SLC14A1: variants seen among roughly 807,000 people sequenced by gnomAD.
The protein encoded by SLC14A1 is urea transporter 1.
In SLC14A1, 36 loss-of-function variants were observed where a neutral mutation model predicts 39.6. The ratio of observed to expected loss-of-function variants is 0.91; its 90% CI spans 0.70 to 1.20. The LOEUF (loss-of-function observed/expected upper bound fraction) is 1.20. Among genes scored for constraint, SLC14A1 ranks in the 50% most tolerant of loss-of-function variants. The pLI, the probability that SLC14A1 is intolerant of heterozygous loss-of-function variation, is 0.00. For synonymous variants in SLC14A1, 164 were observed against 173.6 expected, an observed-to-expected ratio of 0.94 and a Z score of 0.43; for missense variants, 469 against 478.7, an observed-to-expected ratio of 0.98 and a Z score of 0.19.
At chr18:45,733,416 A>C (rs1599266113) in intron 4 of SLC14A1, among the ~76,000 whole-genome samples, 1 of 152,238 alleles carries the variant, frequency 6.6e-6, no homozygotes, top group Admixed American at 6.5e-5. Context: ...TGGAGACAAC[A>C]AAATAGAAGC....
rs1310404866 is a variant in SLC14A1, at chr18:45,750,982, G to T, written c.*1031G>T. ...TTGTTGAATTCCTTAATTTAAAAAA[G>T]CTCATTATTTTTTGCACACTCACAA... On this transcript the variant is annotated 3_prime_UTR_variant, in exon 10 of 10. Coordinates refer to ENST00000321925, the MANE Select transcript of SLC14A1 (RefSeq NM_015865.7). 2 of 984,970 alleles carry T rather than the reference G, an allele frequency of 2.0e-6. No individual in the cohort carries two copies. The highest frequency in any genetic ancestry group is 1.7e-5 in the African/African-American group (1 of 57,204). 61.0% of individuals were successfully genotyped at this position (984,970 alleles called of 1,614,324 possible).
At position 45,731,139 on chromosome 18, in the gene SLC14A1, G is replaced by A. The variant is rs763262711; in HGVS notation, c.276G>A (p.Trp92Ter). The A allele has an allele frequency of 1.2e-6, 2 of 1,613,986 alleles. No homozygotes were observed. The highest frequency in any genetic ancestry group is 2.7e-5 in the African/African-American group (2 of 74,900). ...LVGLLVQNPWWALTGWLGTVV... is the reference protein window; with the variant it reads ...LVGLLVQNPW ...GACTTCTTGTTCAGAACCCCTGGTGGGCTCTCACTGGCTGGCTGGGAACAG... is the reference window on the plus strand; with the variant it reads ...GACTTCTTGTTCAGAACCCCTGGTGAGCTCTCACTGGCTGGCTGGGAACAG... The change falls in exon 4 of 10, where the codon TGG becomes TGA. Residue 92 changes from tryptophan to a stop codon, truncating the protein, a stop_gained. Coordinates refer to ENST00000321925, the MANE Select transcript of SLC14A1 (RefSeq NM_015865.7). LOFTEE classifies it high-confidence loss of function.
intron 2 of SLC14A1, among the ~76,000 whole-genome samples, chr18:45,725,545 A>T (rs1479574716): frequency 6.6e-6 from 1 of 152,232 alleles, no homozygotes; most frequent in African/African-American, 2.4e-5. Flanking sequence ...AGATTAGTTC[A>T]AAGTGACCGT....
intron 4 of SLC14A1, among the ~76,000 whole-genome samples, chr18:45,733,093 A>G (rs994383478): frequency 6.6e-6 from 1 of 152,218 alleles, no homozygotes; most frequent in Non-Finnish European, 1.5e-5. Flanking sequence ...CTGGGACTCC[A>G]AAAGAGGAGA....
At chr18:45,736,277 G>A (rs947654946) in intron 5 of SLC14A1, among the ~76,000 whole-genome samples, 179 bp from the exon 6 acceptor site, 1 of 152,106 alleles carries the variant, frequency 6.6e-6, no homozygotes, top group Non-Finnish European at 1.5e-5. Flanking sequence ...TTTACTTTAT[G>A]TAATATTTAC....
intron 2 of SLC14A1, 175 bp from the exon 3 acceptor site, chr18:45,730,125 T>C: frequency 5.2e-6 from 3 of 577,428 alleles, no homozygotes; most frequent in Non-Finnish European, 8.9e-6. Context: ...GCAAAGGTAC[T>C]GTGGGATTTG....
chr18:45,749,641 G>A (rs780015508), intron 9 of SLC14A1, 137 bp from the exon 10 acceptor site: 7 of 983,028 alleles, frequency 7.1e-6, no homozygotes, highest in African/African-American at 3.2e-5. Context: ...CAGTCTCCAC[G>A]AGCATGCACA....
chr18:45,747,008 A>G (rs2047562851), intron 8 of SLC14A1: 1 of 152,280 alleles, frequency 6.6e-6, no homozygotes, highest in African/African-American at 2.4e-5. Flanking sequence ...AAGAAACACC[A>G]GGATAAAAAG....
rs761479141 is a variant in SLC14A1, at chr18:45,736,591, G to A, written c.606G>A (p.Leu202=). 3.1e-6 allele frequency: 5 copies of A among 1,613,972 alleles called. No homozygotes were observed. Among genetic ancestry groups the A allele is most frequent in the African/African-American group, 1.3e-5 (1 of 74,882 alleles). ...ACAATCCATTCTTTCCAGCCAAACT[G>A]GTCATACCTATAACTACAGCTCCAA... ...GHYNPFFPAK[L]VIPITTAPNI... Residue 202 remains leucine, a synonymous_variant, in exon 6 of 10, where the codon CTG becomes CTA. Transcript: ENST00000321925.
intron 8 of SLC14A1, among the ~76,000 whole-genome samples, chr18:45,746,141 G>T (rs1251172290): frequency 1.3e-5 from 2 of 152,180 alleles, no homozygotes; most frequent in Non-Finnish European, 2.9e-5. Flanking sequence ...AACATATTGT[G>T]TATCTCTTCC....
chr18:45,744,099 A>G (rs6507640), intron 8 of SLC14A1, among the ~76,000 whole-genome samples: 100,029 of 151,446 alleles, frequency 0.66, 34,345 homozygotes, highest in East Asian at 0.93. Context: ...TGCAGCCTCC[A>G]CCTCCTGGGT....
chr18:45,729,365 AATC>A (rs1180479559), intron 2 of SLC14A1: 7 of 152,166 alleles, frequency 4.6e-5, no homozygotes, highest in Non-Finnish European at 1.0e-4. Flanking sequence ...AGCACAATGA[AATC>A]ATCATTTTTG....
Position 45,735,395 on chromosome 18 carries a change from C to T in SLC14A1, c.470+993C>T, listed in dbSNP as rs763987461. Among the ~76,000 whole-genome samples the T allele has an allele frequency of 5.9e-5, 9 of 152,288 alleles. No individual in the cohort carries two copies. The South Asian group carries it at 1.0e-3, about 18-fold the overall frequency. ...GATGCTGGGAGAACCACTGTGCCTA[C>T]GTGAATTCCCCCTTACCCACCTGCC... On this transcript the variant is annotated intron_variant, in intron 5 of 9. Coordinates refer to ENST00000321925, the MANE Select transcript of SLC14A1 (RefSeq NM_015865.7).
At chr18:45,739,091 A>T (rs573438146) in intron 6 of SLC14A1, 72 bp from the exon 7 acceptor site, 88 of 1,464,936 alleles carry the variant, frequency 6.0e-5, no homozygotes, top group Non-Finnish European at 8.0e-5. Flanking sequence ...ACATTGTAGG[A>T]GTTTGTGGGT....
In SLC14A1 at chr18:45,738,009, AGC is replaced by A. The variant is rs1265812049; in HGVS notation, c.664-1153_664-1152del. Among the ~76,000 whole-genome samples, 1,020 of 152,336 alleles carry A rather than the reference AGC, an allele frequency of 6.7e-3. 12 individuals are homozygous for A. The highest frequency in any genetic ancestry group is 0.02 in the Middle Eastern group (6 of 294). ...CAAAAACAAACAAACAAACAAAAAAAGCATATGCCATCTTTGCCAAGTTCCCT... is the reference window on the plus strand; with the variant it reads ...CAAAAACAAACAAACAAACAAAAAAAATATGCCATCTTTGCCAAGTTCCCT... On this transcript the variant is annotated intron_variant, in intron 6 of 9. Coordinates refer to ENST00000321925, the MANE Select transcript of SLC14A1 (RefSeq NM_015865.7).
intron 8 of SLC14A1, among the ~76,000 whole-genome samples, chr18:45,745,847 C>T (rs1229560589): frequency 6.6e-6 from 1 of 152,170 alleles, no homozygotes; most frequent in Admixed American, 6.5e-5. Flanking sequence ...TCTCCAGCCC[C>T]CCTTGGAAAG....
intron 8 of SLC14A1, 162 bp downstream of exon 8, chr18:45,739,824 G>A: frequency 1.2e-6 from 1 of 829,806 alleles, no homozygotes; most frequent in Non-Finnish European, 2.0e-6. Context: ...TCCCCTCTCT[G>A]AGAGCATTAA....
chr18:45,730,463 A>G lies in SLC14A1; in HGVS notation c.143A>G (p.Gln48Arg), dbSNP rs1347159554. 2.5e-6 allele frequency: 4 copies of G among 1,614,076 alleles called. No individual in the cohort carries two copies. Among genetic ancestry groups the G allele is most frequent in the Non-Finnish European group, 3.4e-6 (4 of 1,180,024 alleles). The part of the protein sequence containing the change: ...VTGDMKELAN[Q>R]LKDKPVVLQF... ...GGTGACATGAAAGAACTTGCCAACC[A>G]GCTTAAAGGTATTTATCCTTTCACA... Residue 48 changes from glutamine to arginine, a missense_variant, in exon 3 of 10, where the codon CAG (glutamine) becomes CGG (arginine). By Grantham distance (43) the Gln-to-Arg change is conservative (BLOSUM62 1). Coordinates refer to ENST00000321925, the MANE Select transcript of SLC14A1 (RefSeq NM_015865.7).
At chr18:45,727,232 CAT>C in intron 2 of SLC14A1, 1 of 1,548,676 alleles carries the variant, frequency 6.5e-7, no homozygotes. Flanking sequence ...TGCTGATTCA[CAT>C]ATTTTTGCCC....
Sources: allele counts gnomAD v4.1 joint callset (sites outside exome capture counted in the v4.1 genomes callset), GRCh38; gene constraint gnomAD v4.1.1; transcripts MANE v1.5; gene names NCBI Gene and HGNC (gene_info 2026-07-23, HGNC 2026-07-21).